The following IMMP2L variants were observed in gnomAD, a reference collection of about 807,000 sequenced individuals.
IMMP2L encodes mitochondrial inner membrane protease subunit 2.
IMMP2L carries 18 observed loss-of-function variants against 19.3 expected under a neutral mutation model. The ratio of observed to expected loss-of-function variants is 0.93; its 90% confidence interval spans 0.64 to 1.38. The LOEUF is 1.38. Among genes scored for constraint, IMMP2L ranks in the 40% most tolerant of loss-of-function variants. IMMP2L has a pLI of 0.00. For synonymous variants in IMMP2L, 76 were observed against 73.0 expected, an observed-to-expected ratio of 1.04 and a Z score of -0.21; for missense variants, 233 against 218.2, an observed-to-expected ratio of 1.07 and a Z score of -0.43.
chr7:111,465,158 C>G (rs1840509897), intron 3 of IMMP2L, among the ~76,000 whole-genome samples: 1 of 152,120 alleles, frequency 6.6e-6, no homozygotes, highest in Admixed American at 6.5e-5. Flanking sequence ...TCAGTAACAC[C>G]TGTCACTCCT....
Position 111,291,273 on chromosome 7 carries a change from G to A in IMMP2L, c.239+195965C>T, listed in dbSNP as rs1041321618. Among the ~76,000 whole-genome samples the A allele has an allele frequency of 4.6e-5, 7 of 152,170 alleles. No individual in the cohort carries two copies. The East Asian group carries it at 1.3e-3, about 29-fold the overall frequency. On this transcript the variant is annotated intron_variant, in intron 3 of 5. Coordinates refer to ENST00000405709, the MANE Select transcript of IMMP2L (RefSeq NM_032549.4). ...AAGAAGCCTTTGCAGAAGACCAGTG[G>A]TTGCAGCAGCAGCTCCCATCATCTA... is the stretch of plus-strand genomic sequence containing the variant.
chr7:111,366,371 C>T (rs575845497), intron 3 of IMMP2L, among the ~76,000 whole-genome samples: 13 of 149,804 alleles, frequency 8.7e-5, no homozygotes, highest in South Asian at 4.2e-4. Flanking sequence ...AGAGCAAGGG[C>T]GCTGTATTCT....
At chr7:111,224,469 T>C (rs576358966) in intron 3 of IMMP2L, among the ~76,000 whole-genome samples, 1 of 152,226 alleles carries the variant, frequency 6.6e-6, no homozygotes, top group African/African-American at 2.4e-5. Flanking sequence ...CTAAGGAAGT[T>C]GAAGAAAGGT....
At chr7:111,322,295 C>T (rs1824807000) in intron 3 of IMMP2L, among the ~76,000 whole-genome samples, 1 of 151,848 alleles carries the variant, frequency 6.6e-6, no homozygotes, top group Admixed American at 6.6e-5. Flanking sequence ...AATAGATTCT[C>T]AATAAATATT....
rs951015457 is a variant in IMMP2L, at chr7:111,189,665, G to C, written c.240-226100C>G. ...AGAACTAGGGCAAAGATAAGGGTAA[G>C]AGAATAAGGAGGATATTTTTAATAC... On this transcript the variant is annotated intron_variant, in intron 3 of 5. Coordinates refer to ENST00000405709, the MANE Select transcript of IMMP2L (RefSeq NM_032549.4). 3.3e-5 allele frequency among the ~76,000 whole-genome samples: 5 copies of C among 152,110 alleles called. 1 individual carries two copies. In the East Asian group the frequency reaches 9.6e-4, roughly 29 times the overall value.
At chr7:110,774,107 A>C (rs770807322) in intron 5 of IMMP2L, among the ~76,000 whole-genome samples, 2 of 152,058 alleles carry the variant, frequency 1.3e-5, no homozygotes, top group Non-Finnish European at 2.9e-5. Flanking sequence ...GCCACATTAA[A>C]ATATTGTATG....
At chr7:110,808,327 C>T (rs890030405) in intron 5 of IMMP2L, among the ~76,000 whole-genome samples, 1 of 152,020 alleles carries the variant, frequency 6.6e-6, no homozygotes, top group Non-Finnish European at 1.5e-5. Flanking sequence ...CCACCATGCG[C>T]TAACAATCTC....
At chr7:111,522,938 T>TATA (rs199823915) in intron 1 of IMMP2L, among the ~76,000 whole-genome samples, 1 of 148,758 alleles carries the variant, frequency 6.7e-6, no homozygotes, top group African/African-American at 2.6e-5. Flanking sequence ...TATATATATA[T>TATA]TATTTCACCA....
intron 4 of IMMP2L, among the ~76,000 whole-genome samples, chr7:110,960,168 T>C (rs979155165): frequency 6.6e-6 from 1 of 151,978 alleles, no homozygotes; most frequent in African/African-American, 2.4e-5. Flanking sequence ...TGCTGCATTC[T>C]TTTGGGTTTT....
chr7:111,105,843 T>TTA (rs1376978995), intron 3 of IMMP2L, among the ~76,000 whole-genome samples: 1 of 151,934 alleles, frequency 6.6e-6, no homozygotes, highest in Non-Finnish European at 1.5e-5. Context: ...CCATTGTCTT[T>TTA]TATAGCATCC....
chr7:111,381,561 T>G (rs924407371), intron 3 of IMMP2L, among the ~76,000 whole-genome samples: 1 of 152,012 alleles, frequency 6.6e-6, no homozygotes, highest in African/African-American at 2.4e-5. Flanking sequence ...AGTACTTGTA[T>G]AGATGAAAAA....
intron 3 of IMMP2L, among the ~76,000 whole-genome samples, chr7:111,315,276 C>T (rs937497941): frequency 2.6e-5 from 4 of 152,008 alleles, no homozygotes; most frequent in African/African-American, 9.7e-5. Context: ...CCAAATAACA[C>T]AGGAAACTAG....
At chr7:110,791,723 A>G (rs1300110006) in intron 5 of IMMP2L, among the ~76,000 whole-genome samples, 1 of 151,802 alleles carries the variant, frequency 6.6e-6, no homozygotes, top group East Asian at 1.9e-4. Context: ...TCCTGAATTT[A>G]ACAATTGCCA....
At chr7:110,771,691 G>C (rs1799049472) in intron 5 of IMMP2L, among the ~76,000 whole-genome samples, 1 of 152,110 alleles carries the variant, frequency 6.6e-6, no homozygotes, top group Non-Finnish European at 1.5e-5. Flanking sequence ...TTACTCAAAG[G>C]ACTTATCGAA....
At chr7:111,297,130 T>C (rs1370269653) in intron 3 of IMMP2L, among the ~76,000 whole-genome samples, 5 of 152,056 alleles carry the variant, frequency 3.3e-5, no homozygotes, top group Non-Finnish European at 5.9e-5. Flanking sequence ...AAGTTCTGCA[T>C]CTTGATTATG....
intron 3 of IMMP2L, among the ~76,000 whole-genome samples, chr7:111,080,080 A>C (rs1795766179): frequency 6.6e-6 from 1 of 152,204 alleles, no homozygotes; most frequent in Admixed American, 6.5e-5. Flanking sequence ...ACAGCAACAG[A>C]AAATGGACTA....
At chr7:111,043,438 C>T (rs1792088019) in intron 3 of IMMP2L, among the ~76,000 whole-genome samples, 1 of 152,148 alleles carries the variant, frequency 6.6e-6, no homozygotes, top group Non-Finnish European at 1.5e-5. Flanking sequence ...CTCAAAAATG[C>T]CTATAGGAAA....
At chr7:110,782,064 C>G (rs894288165) in intron 5 of IMMP2L, among the ~76,000 whole-genome samples, 1 of 151,806 alleles carries the variant, frequency 6.6e-6, no homozygotes, top group Admixed American at 6.6e-5. Flanking sequence ...AGCCGCTAGC[C>G]GAGTCAGCCC....
chr7:111,513,332 T>C (rs1845615241), intron 2 of IMMP2L, among the ~76,000 whole-genome samples: 2 of 152,054 alleles, frequency 1.3e-5, no homozygotes. Flanking sequence ...GACATACAAA[T>C]GGCCCAGAAG....
Sources: allele counts gnomAD v4.1 joint callset (sites outside exome capture counted in the v4.1 genomes callset), GRCh38; gene constraint gnomAD v4.1.1; transcripts MANE v1.5; gene names NCBI Gene and HGNC (gene_info 2026-07-23, HGNC 2026-07-21).